Variants in FZD3 observed in about 807,000 individuals in gnomAD.
FZD3 encodes frizzled class receptor 3, also known as frizzled-3.
FZD3 carries 30 observed loss-of-function variants against 60.7 expected under a neutral mutation model. That is an observed-to-expected ratio of 0.49 (90% CI 0.37 to 0.67). FZD3 has a LOEUF of 0.67. FZD3 is among the 30% of genes least tolerant of loss of function. The probability of loss-of-function intolerance (pLI) is 0.00; values close to 1 mark genes in which losing one functional copy is unlikely to be tolerated. For missense variants in FZD3, 605 were observed against 838.7 expected (o/e 0.72, Z 3.44); for synonymous variants, 246 against 275.2 (o/e 0.89, Z 1.05).
At chr8:28,548,217 C>A (rs559050573) in intron 5 of FZD3, among the ~76,000 whole-genome samples, 58 of 94,862 alleles carry the variant, frequency 6.1e-4, no homozygotes, top group Admixed American at 2.7e-3. Context: ...CTCCATCTCT[C>A]TCCTTGAAAT....
At position 28,564,818 on chromosome 8, in the gene FZD3, A is replaced by G. The variant is rs1042087253; in HGVS notation, c.*1807A>G. 1 of 152,238 alleles carries G rather than the reference A, an allele frequency of 6.6e-6. No homozygotes were observed. Among genetic ancestry groups the G allele is most frequent in the Non-Finnish European group, 1.5e-5 (1 of 68,050 alleles). The allele number at this position is 152,238 out of a possible 1,614,324, so 9.4% of individuals were successfully genotyped here. ...CTATTATAGTTTATGACCTTTAACA[A>G]TTTAACTCTCCGAGCCTCAGTTCCC... On this transcript the variant is annotated 3_prime_UTR_variant, in exon 8 of 8. Transcript: ENST00000240093.
chr8:28,500,761 G>GT (rs1803968059), intron 2 of FZD3, among the ~76,000 whole-genome samples: 1 of 151,904 alleles, frequency 6.6e-6, no homozygotes, highest in South Asian at 2.1e-4. Context: ...GTTAATACCA[G>GT]TTTTCTTTTT....
In FZD3 at chr8:28,527,393, C is replaced by T. The variant is rs758890194; in HGVS notation, c.633C>T (p.Ile211=). Residue 211 remains isoleucine (I), a synonymous_variant, in exon 5 of 8, where the codon ATC becomes ATT. Coordinates refer to ENST00000240093, the MANE Select transcript of FZD3 (RefSeq NM_017412.4). The surrounding 1 kb of genome is among the most constrained non-coding windows in gnomAD (Gnocchi z 5.0). ...FARYFIGLIS[I]ICLSATLFTF... ...GCTATTTCATAGGATTGATTTCAATCATTTGCCTCTCGGCCACATTGTTTA... is the reference window on the plus strand; with the variant it reads ...GCTATTTCATAGGATTGATTTCAATTATTTGCCTCTCGGCCACATTGTTTA... 2.2e-5 allele frequency: 36 copies of T among 1,613,940 alleles called. No homozygotes were observed. In the South Asian group the frequency reaches 4.0e-4, roughly 18 times the overall value.
intron 7 of FZD3, among the ~76,000 whole-genome samples, chr8:28,562,431 G>A (rs1805629630): frequency 6.6e-6 from 1 of 152,028 alleles, no homozygotes; most frequent in Non-Finnish European, 1.5e-5. Flanking sequence ...GCTGCCAGGG[G>A]CAATGCCACA....
At chr8:28,517,204 A>G (rs1804452309) in intron 3 of FZD3, among the ~76,000 whole-genome samples, 1 of 152,080 alleles carries the variant, frequency 6.6e-6, no homozygotes, top group African/African-American at 2.4e-5. Flanking sequence ...TGTAAATAAT[A>G]TTTTTACTGG....
Position 28,567,795 on chromosome 8 carries a change from C to T in FZD3, c.*4784C>T, listed in dbSNP as rs1417059398. 1 of 152,010 alleles carries T rather than the reference C, an allele frequency of 6.6e-6. No homozygotes were observed. Among genetic ancestry groups the T allele is most frequent in the African/African-American group, 2.4e-5 (1 of 41,378 alleles). 9.4% of individuals were successfully genotyped at this position (152,010 alleles called of 1,614,324 possible). ...ATATGTGTTATACCAGAGTATGCCT[C>T]AAATTTTATGTAGTTGAATTTGTAG... On this transcript the variant is annotated 3_prime_UTR_variant, in exon 8 of 8. Coordinates refer to ENST00000240093, the MANE Select transcript of FZD3 (RefSeq NM_017412.4).
At position 28,567,711 on chromosome 8, in the gene FZD3, C is replaced by A. The variant is rs937382532; in HGVS notation, c.*4700C>A. 1 of 152,112 alleles carries A rather than the reference C, an allele frequency of 6.6e-6. No individual in the cohort carries two copies. The highest frequency in any genetic ancestry group is 2.4e-5 in the African/African-American group (1 of 41,410). The allele number at this position is 152,112 out of a possible 1,614,324, so 9.4% of individuals were successfully genotyped here. ...TGTTCATTTGGTACAGTCTTTAAATCGGTCATCCAATTAACCTTTAAAAAG... is the reference window on the plus strand; with the variant it reads ...TGTTCATTTGGTACAGTCTTTAAATAGGTCATCCAATTAACCTTTAAAAAG... On this transcript the variant is annotated 3_prime_UTR_variant, in exon 8 of 8. Coordinates refer to ENST00000240093, the MANE Select transcript of FZD3 (RefSeq NM_017412.4).
intron 4 of FZD3, among the ~76,000 whole-genome samples, chr8:28,523,329 G>C (rs1358260342): frequency 6.6e-6 from 1 of 152,148 alleles, no homozygotes; most frequent in African/African-American, 2.4e-5. Context: ...CCACTGGGTA[G>C]GAACACAGTT....
intron 3 of FZD3, among the ~76,000 whole-genome samples, chr8:28,506,874 TC>T (rs1563382085): frequency 6.6e-6 from 1 of 152,184 alleles, no homozygotes; most frequent in East Asian, 1.9e-4. Flanking sequence ...TATGGAAATT[TC>T]CATTATATAC....
Position 28,528,068 on chromosome 8 carries a change from T to A in FZD3, c.1308T>A (p.Ile436=). The A allele has an allele frequency of 6.2e-7, 1 of 1,613,972 alleles. No homozygotes were observed. The highest frequency in any genetic ancestry group is 8.5e-7 in the Non-Finnish European group (1 of 1,179,826). ...ATCTCGTACCACTCTTGGTTGTAAT[T>A]GGATGCTACTTTTATGAGCAAGCTT... ...ILYLVPLLVV[I]GCYFYEQAYR... The change falls in exon 5 of 8, where the codon ATT becomes ATA. Residue 436 remains isoleucine (I), a synonymous_variant. Transcript: ENST00000240093.
At chr8:28,522,386 G>A (rs1035203159) in intron 4 of FZD3, among the ~76,000 whole-genome samples, 1 of 151,768 alleles carries the variant, frequency 6.6e-6, no homozygotes, top group East Asian at 1.9e-4. Flanking sequence ...TTTGCTTCTT[G>A]TAGTCAATTT....
intron 3 of FZD3, among the ~76,000 whole-genome samples, chr8:28,505,999 C>T (rs1330219524): frequency 2.6e-5 from 4 of 152,216 alleles, no homozygotes; most frequent in African/African-American, 9.6e-5. Context: ...TTGACGTTCT[C>T]TTTTCCCCTG....
At chr8:28,540,252 C>CA (rs1805128256) in intron 5 of FZD3, among the ~76,000 whole-genome samples, 1 of 152,136 alleles carries the variant, frequency 6.6e-6, no homozygotes, top group African/African-American at 2.4e-5. Flanking sequence ...TTTTCTGAGA[C>CA]AGAGTCTCGC....
chr8:28,520,190 A>AC (rs1804538453), intron 3 of FZD3, among the ~76,000 whole-genome samples: 1 of 148,596 alleles, frequency 6.7e-6, no homozygotes, highest in Non-Finnish European at 1.5e-5. Flanking sequence ...AGCCTGGGCG[A>AC]CAGAGTGAGA....
At chr8:28,524,427 A>G (rs1172121914) in intron 4 of FZD3, among the ~76,000 whole-genome samples, 1 of 152,206 alleles carries the variant, frequency 6.6e-6, no homozygotes, top group Non-Finnish European at 1.5e-5. Context: ...TTGGTCAGAA[A>G]AATTTCTGTT....
chr8:28,505,635 G>A (rs1462709702), intron 3 of FZD3, among the ~76,000 whole-genome samples: 3 of 152,222 alleles, frequency 2.0e-5, no homozygotes, highest in African/African-American at 7.2e-5. Flanking sequence ...ATAGGCATGA[G>A]CCACCGCGCC....
At position 28,555,920 on chromosome 8, in the gene FZD3, A is replaced by G. The variant is rs1405390031; in HGVS notation, c.1736A>G (p.His579Arg). 2.5e-6 allele frequency: 4 copies of G among 1,614,104 alleles called. No homozygotes were observed. The highest frequency in any genetic ancestry group is 3.4e-6 in the Non-Finnish European group (4 of 1,179,954). ...DDQRSKAGSI[H>R]SKVSSYHGSL... The stretch of plus-strand genomic sequence containing the variant: ...CAAAGAAGCAAAGCAGGAAGCATCC[A>G]CAGCAAAGTGAGCAGCTACCACGGC... The change falls in exon 7 of 8, where the codon CAC (histidine) becomes CGC (arginine). Residue 579 changes from histidine to arginine, a missense_variant. Coordinates refer to ENST00000240093, the MANE Select transcript of FZD3 (RefSeq NM_017412.4).
intron 3 of FZD3, among the ~76,000 whole-genome samples, chr8:28,506,822 T>A (rs1464429195): frequency 2.0e-5 from 3 of 152,168 alleles, no homozygotes; most frequent in African/African-American, 7.2e-5. Context: ...AGTCTCTCAG[T>A]TATCCAAACT....
intron 1 of FZD3, among the ~76,000 whole-genome samples, chr8:28,495,247 A>G (rs1803813206): frequency 1.3e-5 from 2 of 152,182 alleles, no homozygotes; most frequent in Non-Finnish European, 2.9e-5. Flanking sequence ...GCAGAGGAGT[A>G]GATTTCAGAT....
Sources: allele counts gnomAD v4.1 joint callset (sites outside exome capture counted in the v4.1 genomes callset), GRCh38; gene constraint gnomAD v4.1.1; non-coding constraint Gnocchi (gnomAD v3.1); transcripts MANE v1.5; gene names NCBI Gene and HGNC (gene_info 2026-07-23, HGNC 2026-07-21).